The following RALYL variants were observed in gnomAD, a reference collection of about 807,000 sequenced individuals.
The protein encoded by RALYL is RNA-binding Raly-like protein.
In RALYL, 29 loss-of-function variants were observed where a neutral mutation model predicts 35.1. The ratio of observed to expected loss-of-function variants is 0.83; its 90% confidence interval spans 0.61 to 1.13. RALYL has a LOEUF of 1.13. Ranked by LOEUF, RALYL falls within the 50% of genes most tolerant of loss-of-function variation. RALYL has a pLI of 0.00. For missense variants in RALYL, 359 were observed against 360.4 expected (o/e 1.00, Z 0.03); for synonymous variants, 120 against 127.6 (o/e 0.94, Z 0.40).
At chr8:84,726,628 A>G (rs556087967) in intron 2 of RALYL, among the ~76,000 whole-genome samples, 48 of 152,016 alleles carry the variant, frequency 3.2e-4, no homozygotes, top group Middle Eastern at 3.4e-3. Context: ...ATATATATGT[A>G]CATATATATG....
At chr8:84,197,677 C>T (rs527657460) in intron 1 of RALYL, among the ~76,000 whole-genome samples, 6 of 151,546 alleles carry the variant, frequency 4.0e-5, no homozygotes, top group Non-Finnish European at 5.9e-5. Flanking sequence ...GCCTGTAATC[C>T]GAGCTCTCAG....
At chr8:84,358,475 G>C (rs1170903518) in intron 1 of RALYL, among the ~76,000 whole-genome samples, 1 of 151,994 alleles carries the variant, frequency 6.6e-6, no homozygotes, top group Non-Finnish European at 1.5e-5. Context: ...GTTTATTGTT[G>C]TGATGTTTCA....
intron 1 of RALYL, among the ~76,000 whole-genome samples, chr8:84,438,772 T>C (rs974905660): frequency 2.5e-4 from 38 of 152,240 alleles, no homozygotes; most frequent in African/African-American, 9.1e-4. Flanking sequence ...TGCTAAAAGG[T>C]AATGGTTCAG....
At chr8:84,654,776 A>G (rs1010887139) in intron 2 of RALYL, among the ~76,000 whole-genome samples, 2 of 152,106 alleles carry the variant, frequency 1.3e-5, no homozygotes, top group Non-Finnish European at 2.9e-5. Context: ...TTTATTTGTG[A>G]CTAAATTGTA....
At chr8:84,495,733 A>C (rs1426374438) in intron 1 of RALYL, among the ~76,000 whole-genome samples, 1 of 152,056 alleles carries the variant, frequency 6.6e-6, no homozygotes, top group Admixed American at 6.6e-5. Flanking sequence ...TACAGTCTTA[A>C]GCAGTTTAAT....
chr8:84,595,915 C>G (rs906620316), intron 2 of RALYL, among the ~76,000 whole-genome samples: 4 of 151,910 alleles, frequency 2.6e-5, no homozygotes, highest in African/African-American at 9.7e-5. Context: ...GTAAGCCCTT[C>G]CAGAGGGCAA....
At chr8:84,203,489 T>C (rs1367603917) in intron 1 of RALYL, among the ~76,000 whole-genome samples, 2 of 152,210 alleles carry the variant, frequency 1.3e-5, no homozygotes, top group African/African-American at 4.8e-5. Context: ...GCTTAAAATA[T>C]ATTCTGTAGC....
At chr8:84,873,941 G>A (rs1840672860) in intron 7 of RALYL, among the ~76,000 whole-genome samples, 1 of 152,096 alleles carries the variant, frequency 6.6e-6, no homozygotes, top group Non-Finnish European at 1.5e-5. Flanking sequence ...AATAGCCTCT[G>A]TCTTTTGAAT....
intron 2 of RALYL, among the ~76,000 whole-genome samples, chr8:84,575,758 C>T (rs895712999): frequency 6.6e-6 from 1 of 152,022 alleles, no homozygotes; most frequent in Non-Finnish European, 1.5e-5. Flanking sequence ...TTTTGGCAAC[C>T]TAAATCTGAT....
At chr8:84,442,133 G>A (rs189773397) in intron 1 of RALYL, among the ~76,000 whole-genome samples, 1 of 152,128 alleles carries the variant, frequency 6.6e-6, no homozygotes, top group Non-Finnish European at 1.5e-5. Context: ...ATGCATTTGG[G>A]ATGTTTGTTA....
intron 2 of RALYL, among the ~76,000 whole-genome samples, chr8:84,550,251 T>C (rs1362964666): frequency 6.6e-6 from 1 of 152,096 alleles, no homozygotes; most frequent in Non-Finnish European, 1.5e-5. Context: ...CTTTCTCCTT[T>C]TCCTTTAGCT....
At chr8:84,349,795 C>T (rs1257990339) in intron 1 of RALYL, among the ~76,000 whole-genome samples, 1 of 150,240 alleles carries the variant, frequency 6.7e-6, no homozygotes, top group East Asian at 1.9e-4. Context: ...CTTATATGAA[C>T]ATGAGCCTAG....
intron 1 of RALYL, among the ~76,000 whole-genome samples, chr8:84,193,989 CA>C (rs534445077): frequency 3.8e-4 from 58 of 152,120 alleles, no homozygotes; most frequent in African/African-American, 1.3e-3. Flanking sequence ...GCCTGAAGAG[CA>C]GGATGAAAAT....
At chr8:84,264,603 T>A (rs1832943383) in intron 1 of RALYL, among the ~76,000 whole-genome samples, 1 of 152,056 alleles carries the variant, frequency 6.6e-6, no homozygotes, top group Non-Finnish European at 1.5e-5. Context: ...AGAAGCTCTT[T>A]AGTTTAATTA....
At chr8:84,511,254 T>C (rs1286686828) in intron 1 of RALYL, among the ~76,000 whole-genome samples, 2 of 152,206 alleles carry the variant, frequency 1.3e-5, no homozygotes, top group Non-Finnish European at 2.9e-5. Flanking sequence ...AATATCAGAC[T>C]CTCAAGCTGA....
At chr8:84,524,211 G>A (rs917415121) in intron 1 of RALYL, among the ~76,000 whole-genome samples, 3 of 151,900 alleles carry the variant, frequency 2.0e-5, no homozygotes, top group Non-Finnish European at 4.4e-5. Context: ...TCTGACAAAG[G>A]GCTAATATCC....
At chr8:84,593,355 C>T (rs1239478025) in intron 2 of RALYL, among the ~76,000 whole-genome samples, 1 of 152,048 alleles carries the variant, frequency 6.6e-6, no homozygotes, top group East Asian at 1.9e-4. Flanking sequence ...AACTGATAAA[C>T]TTTCCTCATG....
chr8:84,417,167 A>G (rs190013892), intron 1 of RALYL, among the ~76,000 whole-genome samples: 1 of 151,950 alleles, frequency 6.6e-6, no homozygotes, highest in Non-Finnish European at 1.5e-5. Context: ...TTGAGAGGGC[A>G]TGAGAGCAGC....
chr8:84,872,370 A>G (rs1442175620), intron 6 of RALYL: 1 of 152,218 alleles, frequency 6.6e-6, no homozygotes, highest in Non-Finnish European at 1.5e-5. Flanking sequence ...AGTTGATAAA[A>G]TTGAAATGGT....
Sources: gnomAD v4.1 joint callset for allele counts (sites outside exome capture counted in the v4.1 genomes callset) on GRCh38, gnomAD v4.1.1 for gene constraint, MANE v1.5 for transcripts, NCBI Gene and HGNC (gene_info 2026-07-23, HGNC 2026-07-21) for gene names.